The following TTC39B variants were observed in gnomAD, a reference collection of about 807,000 sequenced individuals.
TTC39B encodes tetratricopeptide repeat domain 39B.
TTC39B carries 92 observed loss-of-function variants against 96.6 expected under a neutral mutation model. That is an observed-to-expected ratio of 0.95 (90% confidence interval 0.80 to 1.13). TTC39B has a LOEUF of 1.13. Among genes scored for constraint, TTC39B ranks in the 50% most tolerant of loss-of-function variants. The pLI, the probability that TTC39B is intolerant of heterozygous loss-of-function variation, is 0.00. For synonymous variants in TTC39B, 367 were observed against 299.4 expected (o/e 1.23, Z -2.33); for missense variants, 955 against 809.3 (o/e 1.18, Z -2.18).
intron 1 of TTC39B, among the ~76,000 whole-genome samples, chr9:15,277,494 A>AT (rs1490075613): frequency 1.3e-5 from 2 of 152,198 alleles, no homozygotes; most frequent in Admixed American, 6.5e-5. Context: ...CACAAAACCC[A>AT]TAAGTTATGG....
At chr9:15,199,734 CAAAAAAAAAAAAA>C (rs35361396) in intron 8 of TTC39B, 114 bp downstream of exon 8, 58 of 70,678 alleles carry the variant, frequency 8.2e-4, no homozygotes, top group South Asian at 2.2e-3. Context: ...GACTCCGTCT[CAAAAAAAAAAAAA>C]AAAAAAAAAA....
intron 2 of TTC39B, among the ~76,000 whole-genome samples, chr9:15,241,855 G>A (rs1226955258): frequency 6.7e-6 from 1 of 148,488 alleles, no homozygotes; most frequent in East Asian, 2.0e-4. Context: ...CAATTCTCCT[G>A]TCTCAGCCTC....
At chr9:15,234,037 G>A (rs1198206159) in intron 2 of TTC39B, among the ~76,000 whole-genome samples, 1 of 124,638 alleles carries the variant, frequency 8.0e-6, no homozygotes, top group African/African-American at 3.8e-5. Context: ...GAGCGCCTCT[G>A]ACCCGCCGCC....
At chr9:15,165,303 T>G (rs1817497819) in exon 20 of TTC39B, 1 of 151,838 alleles carries the variant, frequency 6.6e-6, no homozygotes, top group East Asian at 1.9e-4. Flanking sequence ...GCCAAGATCG[T>G]GCCATTAAAC....
At position 15,222,265 on chromosome 9, in the gene TTC39B, C is replaced by T. The variant is rs146597068; in HGVS notation, c.371+3652G>A. On this transcript the variant is annotated intron_variant, in intron 3 of 19. Transcript: ENST00000512701. ...AATAACAGCTGGGAAATCTGTCCTGCATTCTTTTTTTAAATTGTGGTAAAA... is the reference window on the plus strand; with the variant it reads ...AATAACAGCTGGGAAATCTGTCCTGTATTCTTTTTTTAAATTGTGGTAAAA... Among the ~76,000 whole-genome samples the T allele has an allele frequency of 6.1e-3, 927 of 152,296 alleles. 3 individuals are homozygous for T. The highest frequency in any genetic ancestry group is 0.021 in the African/African-American group (879 of 41,570).
At chr9:15,193,967 C>T (rs1039653066) in intron 8 of TTC39B, among the ~76,000 whole-genome samples, 8 of 152,106 alleles carry the variant, frequency 5.3e-5, no homozygotes, top group East Asian at 1.9e-4. Context: ...TCCAGGATCC[C>T]GGGTTGGATC....
chr9:15,198,116 A>G (rs1819281700), intron 8 of TTC39B, among the ~76,000 whole-genome samples: 1 of 152,148 alleles, frequency 6.6e-6, no homozygotes, highest in Admixed American at 6.5e-5. Flanking sequence ...AAAGTCTGAC[A>G]CCGCATTGTA....
At chr9:15,217,820 A>G (rs1202998049) in intron 3 of TTC39B, among the ~76,000 whole-genome samples, 1 of 152,104 alleles carries the variant, frequency 6.6e-6, no homozygotes, top group Non-Finnish European at 1.5e-5. Context: ...TCAGATTAAG[A>G]ACCTAAAGTA....
At chr9:15,241,674 T>C (rs747306722) in intron 2 of TTC39B, among the ~76,000 whole-genome samples, 1 of 152,098 alleles carries the variant, frequency 6.6e-6, no homozygotes, top group Non-Finnish European at 1.5e-5. Flanking sequence ...ACTTAAGCTG[T>C]ATTAAGAAAA....
chr9:15,193,646 C>T (rs1818986708), intron 8 of TTC39B, among the ~76,000 whole-genome samples: 1 of 152,070 alleles, frequency 6.6e-6, no homozygotes, highest in African/African-American at 2.4e-5. Flanking sequence ...TGCATTTTGC[C>T]AAGATAAAAT....
intron 4 of TTC39B, among the ~76,000 whole-genome samples, chr9:15,212,647 G>A (rs757125896): frequency 4.6e-5 from 7 of 152,000 alleles, no homozygotes; most frequent in Non-Finnish European, 8.8e-5. Flanking sequence ...GGCTGGTCTC[G>A]AACTCCCGAC....
chr9:15,299,200 C>A (rs1824490242), intron 1 of TTC39B, among the ~76,000 whole-genome samples: 1 of 152,198 alleles, frequency 6.6e-6, no homozygotes, highest in Non-Finnish European at 1.5e-5. Flanking sequence ...AATTGTCACT[C>A]ACTAGTTACC....
At chr9:15,245,984 T>G (rs1244090263) in intron 2 of TTC39B, among the ~76,000 whole-genome samples, 1 of 152,226 alleles carries the variant, frequency 6.6e-6, no homozygotes, top group Non-Finnish European at 1.5e-5. Context: ...CCGGGCGTGG[T>G]GGCTCACACC....
At chr9:15,236,145 A>T (rs1248989412) in intron 2 of TTC39B, among the ~76,000 whole-genome samples, 1 of 152,246 alleles carries the variant, frequency 6.6e-6, no homozygotes, top group Admixed American at 6.5e-5. Context: ...GAGAATGGAA[A>T]ACAAAAGTGA....
intron 2 of TTC39B, among the ~76,000 whole-genome samples, chr9:15,235,672 G>GA (rs901066101): frequency 2.6e-4 from 40 of 150,958 alleles, no homozygotes; most frequent in African/African-American, 8.3e-4. Flanking sequence ...CATCCTTAAA[G>GA]AAAAAAAAAT....
chr9:15,244,055 C>T (rs2131480634), intron 2 of TTC39B, among the ~76,000 whole-genome samples: 1 of 152,336 alleles, frequency 6.6e-6, no homozygotes, highest in African/African-American at 2.4e-5. Flanking sequence ...GAACCAGAGC[C>T]TGTATCTTTT....
chr9:15,194,837 G>A (rs914984991), intron 8 of TTC39B, among the ~76,000 whole-genome samples: 9 of 152,148 alleles, frequency 5.9e-5, no homozygotes, highest in Non-Finnish European at 1.0e-4. Flanking sequence ...TGTTGTGTGT[G>A]TTCTGACTGC....
intron 19 of TTC39B, among the ~76,000 whole-genome samples, chr9:15,173,592 C>T (rs1373539434): frequency 1.3e-5 from 2 of 152,118 alleles, no homozygotes; most frequent in Non-Finnish European, 2.9e-5. Context: ...GTCTTCCTAA[C>T]TCTCTTAATC....
intron 1 of TTC39B, among the ~76,000 whole-genome samples, chr9:15,275,488 G>T (rs991810240): frequency 6.6e-6 from 1 of 152,110 alleles, no homozygotes; most frequent in Non-Finnish European, 1.5e-5. Context: ...CATTTTAATG[G>T]GAAAGATTAC....
Sources: gnomAD v4.1 joint callset for allele counts (sites outside exome capture counted in the v4.1 genomes callset) on GRCh38, gnomAD v4.1.1 for gene constraint, MANE v1.5 for transcripts, NCBI Gene and HGNC (gene_info 2026-07-23, HGNC 2026-07-21) for gene names.